The following TAB2 variants were observed in gnomAD, a reference collection of about 807,000 sequenced individuals.
TAB2 encodes the protein TGF-beta activated kinase 1 (MAP3K7) binding protein 2, also known as TGF-beta-activated kinase 1 and MAP3K7-binding protein 2.
TAB2 carries 3 observed loss-of-function variants against 65.0 expected under a neutral mutation model. The ratio of observed to expected loss-of-function variants is 0.05; its 90% CI spans 0.02 to 0.12. TAB2 has a LOEUF of 0.12. Among genes scored for constraint, TAB2 ranks in the 10% least tolerant of loss-of-function variants. TAB2 has a pLI of 1.00. For missense variants in TAB2, 623 were observed against 840.3 expected (o/e 0.74, Z 3.20); for synonymous variants, 298 against 285.1 (o/e 1.05, Z -0.46).
chr6:149,328,931 T>C (rs1779699735), intron 1 of TAB2, among the ~76,000 whole-genome samples: 1 of 152,130 alleles, frequency 6.6e-6, no homozygotes, highest in South Asian at 2.1e-4. Flanking sequence ...GGAAGAGAGT[T>C]ACAGGCTGCA....
intron 1 of TAB2, among the ~76,000 whole-genome samples, chr6:149,355,788 G>A (rs570725580): frequency 3.3e-5 from 5 of 152,026 alleles, no homozygotes; most frequent in Non-Finnish European, 7.4e-5. Flanking sequence ...GTTTACCTGT[G>A]TGCTTCCTAC....
chr6:149,360,571 G>A (rs1213179798), intron 1 of TAB2, among the ~76,000 whole-genome samples: 1 of 152,098 alleles, frequency 6.6e-6, no homozygotes, highest in African/African-American at 2.4e-5. Context: ...CCAACACTGG[G>A]GATCATAATT....
intron 1 of TAB2, among the ~76,000 whole-genome samples, chr6:149,229,643 G>A (rs1042755569): frequency 3.9e-5 from 6 of 152,132 alleles, no homozygotes; most frequent in Non-Finnish European, 8.8e-5. Context: ...GGCAATAGGT[G>A]GTGATCCAGC....
intron 1 of TAB2, among the ~76,000 whole-genome samples, chr6:149,241,153 C>T (rs1174055825): frequency 6.6e-6 from 1 of 152,132 alleles, no homozygotes; most frequent in Non-Finnish European, 1.5e-5. Flanking sequence ...ACCATGCCAG[C>T]ACCTTGATCT....
At chr6:149,399,058 T>C in intron 5 of TAB2, 46 bp from the exon 6 acceptor site, 12 of 1,492,926 alleles carry the variant, frequency 8.0e-6, no homozygotes, top group Non-Finnish European at 1.1e-5. Flanking sequence ...AGTAAAGTTG[T>C]TTTTGAGCTA....
chr6:149,328,764 G>T (rs1779692674), intron 1 of TAB2, among the ~76,000 whole-genome samples: 1 of 152,060 alleles, frequency 6.6e-6, no homozygotes, highest in African/African-American at 2.4e-5. Context: ...GCTGTGACGG[G>T]GTTAAACATA....
At chr6:149,373,052 T>C (rs929464871) in intron 2 of TAB2, among the ~76,000 whole-genome samples, 1 of 152,230 alleles carries the variant, frequency 6.6e-6, no homozygotes, top group Non-Finnish European at 1.5e-5. Flanking sequence ...TCTATCCTCT[T>C]TTCTCTTAAG....
chr6:149,254,034 AGAG>A (rs1777938879), intron 1 of TAB2, among the ~76,000 whole-genome samples: 2 of 147,472 alleles, frequency 1.4e-5, no homozygotes, highest in Middle Eastern at 3.4e-3. Context: ...AAAGAAAGAA[AGAG>A]AGAAAGAAAG....
intron 3 of TAB2, among the ~76,000 whole-genome samples, chr6:149,394,616 A>G (rs1202212267): frequency 6.6e-6 from 1 of 152,140 alleles, no homozygotes; most frequent in African/African-American, 2.4e-5. Context: ...CATTGCATCA[A>G]TTTAGTCAGG....
chr6:149,288,347 T>G (rs576831201), intron 1 of TAB2, among the ~76,000 whole-genome samples: 22 of 152,346 alleles, frequency 1.4e-4, no homozygotes, highest in Middle Eastern at 3.4e-3. Flanking sequence ...ATGGGCCTCC[T>G]GCCCCATTGT....
In TAB2 at chr6:149,410,062, G is replaced by C; in HGVS notation, c.*343G>C. On this transcript the variant is annotated 3_prime_UTR_variant, in exon 7 of 7. Transcript: ENST00000637181. ...TCCCCTCATGTCACTACTGAATTTT[G>C]ACAGGAGGAAGGAATAGAATGATAG... is the stretch of plus-strand genomic sequence containing the variant. 3.1e-6 allele frequency: 1 copy of C among 322,178 alleles called. No homozygotes were observed. The highest frequency in any genetic ancestry group is 2.1e-5 in the African/African-American group (1 of 46,988). 20.0% of individuals were successfully genotyped at this position (322,178 alleles called of 1,614,324 possible).
At position 149,320,517 on chromosome 6, in the gene TAB2, A is replaced by G. The variant is rs528579639; in HGVS notation, c.-90+2502A>G. Among the ~76,000 whole-genome samples, 6 of 49,950 alleles carry G rather than the reference A, an allele frequency of 1.2e-4. No individual in the cohort carries two copies. In the South Asian group the frequency reaches 3.5e-3, roughly 29 times the overall value. 32.8% of individuals were successfully genotyped at this position (49,950 alleles called of 152,430 possible). A position where few individuals can be genotyped will look rare whatever the true frequency, so the allele number is the denominator to read the frequency against. On this transcript the variant is annotated intron_variant, in intron 1 of 6. Transcript: ENST00000637181. ...ACATCCGTAATTTTCCCAGTAAGGA[A>G]AATTTCTTTTCCCAAAATACTGTTT...
intron 5 of TAB2, 42 bp downstream of exon 5, chr6:149,398,104 A>G: frequency 6.5e-7 from 1 of 1,537,546 alleles, no homozygotes; most frequent in Non-Finnish European, 9.0e-7. Flanking sequence ...ATCGTATTTA[A>G]TTCACCAGCA....
chr6:149,332,289 T>C (rs1779808005), intron 1 of TAB2, among the ~76,000 whole-genome samples: 1 of 152,152 alleles, frequency 6.6e-6, no homozygotes, highest in Non-Finnish European at 1.5e-5. Flanking sequence ...AATTTGGGAG[T>C]ATCAGTGGAG....
chr6:149,287,258 G>T (rs1289174827), intron 1 of TAB2, among the ~76,000 whole-genome samples: 1 of 152,154 alleles, frequency 6.6e-6, no homozygotes, highest in Non-Finnish European at 1.5e-5. Flanking sequence ...GGTGAGTTTT[G>T]TTTGCTTGTT....
chr6:149,294,944 T>C (rs1778848641), intron 1 of TAB2, among the ~76,000 whole-genome samples: 2 of 152,238 alleles, frequency 1.3e-5, no homozygotes, highest in African/African-American at 4.8e-5. Flanking sequence ...AAAACACTTT[T>C]AGTGTGAAAT....
At position 149,378,783 on chromosome 6, in the gene TAB2, C is replaced by T. The variant is rs772663796; in HGVS notation, c.868C>T (p.Pro290Ser). 1.2e-6 allele frequency: 2 copies of T among 1,614,160 alleles called. No homozygotes were observed. Among genetic ancestry groups the T allele is most frequent in the African/African-American group, 1.3e-5 (1 of 75,038 alleles). Residue 290 changes from proline (P) to serine (S), a missense_variant, in exon 3 of 7, where the codon CCT (proline) becomes TCT (serine). Pro to Ser is a moderately conservative substitution (Grantham distance 74). Transcript: ENST00000637181. ...TCATGTCTACATGCCAATCAGTTCA[C>T]CTACTACTTCACAACCACCAACCAT... ...TSHVYMPISS[P>S]TTSQPPTIHS...
chr6:149,242,457 T>C (rs781119282), intron 1 of TAB2, among the ~76,000 whole-genome samples: 28 of 152,210 alleles, frequency 1.8e-4, no homozygotes, highest in Middle Eastern at 3.2e-3. Context: ...GGTGTTATTA[T>C]AGAGTTCCTA....
intron 1 of TAB2, among the ~76,000 whole-genome samples, chr6:149,266,949 T>A (rs772278545): frequency 1.1e-4 from 17 of 152,156 alleles, no homozygotes; most frequent in Admixed American, 7.9e-4. Context: ...CAGCAGAAAG[T>A]AGCTCTCACC....
Sources: gnomAD v4.1 joint callset for allele counts (sites outside exome capture counted in the v4.1 genomes callset) on GRCh38, gnomAD v4.1.1 for gene constraint, MANE v1.5 for transcripts, NCBI Gene and HGNC (gene_info 2026-07-23, HGNC 2026-07-21) for gene names.